FBN2: variants seen among roughly 807,000 people sequenced by gnomAD.
The protein encoded by FBN2 is fibrillin-2.
FBN2 carries 105 observed loss-of-function variants against 355.6 expected under a neutral mutation model. The observed-to-expected ratio is 0.30, with a 90% CI of 0.25 to 0.35. The LOEUF (loss-of-function observed/expected upper bound fraction) is 0.35, where lower values mean the gene tolerates loss of function less well. Ranked by LOEUF, FBN2 falls within the 10% of genes least tolerant of loss-of-function variation. The pLI, the probability that FBN2 is intolerant of heterozygous loss-of-function variation, is 1.00. For missense variants in FBN2, 3,280 were observed against 3,758.7 expected, an observed-to-expected ratio of 0.87 and a Z score of 3.33; for synonymous variants, 1,350 against 1,301.2, an observed-to-expected ratio of 1.04 and a Z score of -0.81.
chr5:128,303,758 C>T (rs1333979060), intron 45 of FBN2, among the ~76,000 whole-genome samples: 1 of 152,116 alleles, frequency 6.6e-6, no homozygotes, highest in Non-Finnish European at 1.5e-5. Flanking sequence ...AAGAATCTGA[C>T]TAGCTTTTAT....
At chr5:128,470,781 A>G (rs558268186) in intron 5 of FBN2, among the ~76,000 whole-genome samples, 7 of 152,116 alleles carry the variant, frequency 4.6e-5, no homozygotes, top group Non-Finnish European at 5.9e-5. Flanking sequence ...CCATGTGGCT[A>G]TAATATCATT....
intron 1 of FBN2, 48 bp downstream of exon 1, chr5:128,537,302 C>A: frequency 6.2e-7 from 1 of 1,603,670 alleles, no homozygotes; most frequent in Admixed American, 1.7e-5. Flanking sequence ...GAGGATTCCC[C>A]CCTCCCCCAA....
rs143617398 is a variant in FBN2, at chr5:128,344,700, CT to C, written c.3218-191del. Among the ~76,000 whole-genome samples the C allele has an allele frequency of 0.015, 2,139 of 139,008 alleles. 12 individuals are homozygous for C. The highest frequency in any genetic ancestry group is 0.028 in the South Asian group (121 of 4,346). 91.2% of individuals were successfully genotyped at this position (139,008 alleles called of 152,430 possible). A position where few individuals can be genotyped will look rare whatever the true frequency, so the allele number is the denominator to read the frequency against. ...AATATGGTGAAAAAGATCTTATATT[CT>C]TTTTTTTTTTTTTTTTGAGACAGAG... On this transcript the variant is annotated intron_variant, in intron 24 of 64. Coordinates refer to ENST00000262464, the MANE Select transcript of FBN2 (RefSeq NM_001999.4).
intron 5 of FBN2, among the ~76,000 whole-genome samples, chr5:128,494,412 G>C (rs115801401): frequency 0.028 from 4,253 of 152,256 alleles, 219 homozygotes; most frequent in African/African-American, 0.097. Context: ...AGTTAGTTTA[G>C]AGAAAGAGAC....
At chr5:128,502,185 C>A (rs947791287) in intron 5 of FBN2, among the ~76,000 whole-genome samples, 16 of 147,950 alleles carry the variant, frequency 1.1e-4, no homozygotes, top group African/African-American at 4.0e-4. Flanking sequence ...GAAAAAGGTA[C>A]AAACAGCTCA....
chr5:128,313,619 TG>T (rs1581209199), intron 36 of FBN2, among the ~76,000 whole-genome samples: 1 of 152,026 alleles, frequency 6.6e-6, no homozygotes, highest in African/African-American at 2.4e-5. Context: ...TAATAAGGGC[TG>T]TCTACTCAAC....
At chr5:128,448,554 G>T (rs1000771946) in intron 6 of FBN2, among the ~76,000 whole-genome samples, 2 of 151,960 alleles carry the variant, frequency 1.3e-5, no homozygotes, top group Non-Finnish European at 2.9e-5. Context: ...TGATCTGCCC[G>T]CCTCGGCCTC....
At chr5:128,469,134 G>T (rs76619845) in intron 5 of FBN2, among the ~76,000 whole-genome samples, 18,334 of 152,140 alleles carry the variant, frequency 0.12, 1,228 homozygotes, top group African/African-American at 0.18. Flanking sequence ...ACATACAGAA[G>T]AAAGTGAGAG....
At chr5:128,333,368 C>G (rs977925103) in intron 31 of FBN2, among the ~76,000 whole-genome samples, 1 of 152,066 alleles carries the variant, frequency 6.6e-6, no homozygotes, top group African/African-American at 2.4e-5. Flanking sequence ...ATAAAGAGGA[C>G]ATTCGATTAC....
At chr5:128,529,627 G>C (rs1365242065) in intron 3 of FBN2, among the ~76,000 whole-genome samples, 1 of 152,184 alleles carries the variant, frequency 6.6e-6, no homozygotes, top group Admixed American at 6.5e-5. Context: ...AATTCCTCCA[G>C]CATTGTGTTT....
intron 11 of FBN2, among the ~76,000 whole-genome samples, chr5:128,381,819 T>TTA (rs1325770070): frequency 6.6e-6 from 1 of 152,080 alleles, no homozygotes; most frequent in Non-Finnish European, 1.5e-5. Context: ...GCATACCACT[T>TTA]ATATAGACTC....
Position 128,345,375 on chromosome 5 carries a change from C to T in FBN2, c.3199G>A (p.Gly1067Arg), listed in dbSNP as rs1751146798. 1.2e-6 allele frequency: 2 copies of T among 1,614,132 alleles called. No homozygotes were observed. The highest frequency in any genetic ancestry group is 4.5e-5 in the East Asian group (2 of 44,858). ...CAGTTACCTTTGTAAAATGGCCGCC[C>T]AGTAAGAACATCCCCTCGGTTAGCA... ...GFANRGDVLTGRPFYKDINEC... is the reference protein window; with the variant it reads ...GFANRGDVLTRRPFYKDINEC... Residue 1067 changes from glycine to arginine, a missense_variant, in exon 24 of 65, where the codon GGG becomes AGG. Gly to Arg is a moderately radical substitution (Grantham distance 125, BLOSUM62 -2). This residue lies in a region of FBN2 where 2,284 missense variants were observed against 2,749.5 expected (regional missense o/e 0.83). Coordinates refer to ENST00000262464, the MANE Select transcript of FBN2 (RefSeq NM_001999.4).
rs373994051 is a variant in FBN2 at position 128,263,531 on chromosome 5, C to T, written c.8086G>A (p.Val2696Met). 3.9e-5 allele frequency: 63 copies of T among 1,614,016 alleles called. No individual in the cohort carries two copies. Among genetic ancestry groups the T allele is most frequent in the African/African-American group, 5.3e-5 (4 of 74,920 alleles). Residue 2696 changes from valine (V) to methionine (M), a missense_variant, in exon 63 of 65, where the codon GTG becomes ATG. By Grantham distance (21) the Val-to-Met change is conservative. Coordinates refer to ENST00000262464, the MANE Select transcript of FBN2 (RefSeq NM_001999.4). ...TTCTTGGAGGACGAGCACTCATTCACGTCGTGGCAGGCACTGGAGAACTGG... is the reference window on the plus strand; with the variant it reads ...TTCTTGGAGGACGAGCACTCATTCATGTCGTGGCAGGCACTGGAGAACTGG... ...FDQFSSACHD[V>M]NECSSSKNPC...
At chr5:128,265,824 C>G (rs1247683172) in intron 62 of FBN2, among the ~76,000 whole-genome samples, 1 of 152,178 alleles carries the variant, frequency 6.6e-6, no homozygotes, top group Non-Finnish European at 1.5e-5. Flanking sequence ...AAAGAACTTT[C>G]ATTCTTCTTC....
intron 41 of FBN2, among the ~76,000 whole-genome samples, chr5:128,307,554 A>G (rs1749918146): frequency 1.3e-5 from 2 of 152,144 alleles, no homozygotes; most frequent in South Asian, 4.1e-4. Flanking sequence ...ATTAAAAAAA[A>G]AGAGAAGTAC....
At chr5:128,381,953 C>A (rs1752245203) in intron 11 of FBN2, among the ~76,000 whole-genome samples, 1 of 151,874 alleles carries the variant, frequency 6.6e-6, no homozygotes, top group Non-Finnish European at 1.5e-5. Context: ...CATATTTGGC[C>A]CACATTTTCT....
At chr5:128,371,692 A>G (rs1751949656) in intron 15 of FBN2, among the ~76,000 whole-genome samples, 1 of 151,586 alleles carries the variant, frequency 6.6e-6, no homozygotes, top group Admixed American at 6.6e-5. Context: ...CACCACTACA[A>G]CCGGCTAATT....
intron 11 of FBN2, among the ~76,000 whole-genome samples, chr5:128,384,752 A>G (rs571767340): frequency 6.6e-6 from 1 of 152,214 alleles, no homozygotes; most frequent in South Asian, 2.1e-4. Context: ...CCAAAAATCT[A>G]CTTGGGAAAA....
At chr5:128,261,164 A>C (rs540491342) in intron 64 of FBN2, among the ~76,000 whole-genome samples, 1 of 152,324 alleles carries the variant, frequency 6.6e-6, no homozygotes, top group South Asian at 2.1e-4. Flanking sequence ...AGTTACGTTC[A>C]AAACCAGGTA....
Sources: gnomAD v4.1 joint callset for allele counts (sites outside exome capture counted in the v4.1 genomes callset) on GRCh38, gnomAD v4.1.1 for gene constraint, gnomAD v4.1.1 regional missense constraint, MANE v1.5 for transcripts, NCBI Gene and HGNC (gene_info 2026-07-23, HGNC 2026-07-21) for gene names.